Variants in FBXO11 observed in about 807,000 individuals in gnomAD.
FBXO11 encodes the protein F-box protein 11.
A neutral mutation model predicts 117.0 loss-of-function variants in FBXO11; 13 were observed. That is an observed-to-expected ratio of 0.11 (90% CI 0.07 to 0.18). The LOEUF (loss-of-function observed/expected upper bound fraction) is 0.18. Ranked by LOEUF, FBXO11 falls within the 10% of genes least tolerant of loss-of-function variation. The probability of loss-of-function intolerance (pLI) is 1.00; values close to 1 mark genes in which losing one functional copy is unlikely to be tolerated. For missense variants in FBXO11, 767 were observed against 1,164.4 expected (o/e 0.66, Z 4.97); for synonymous variants, 490 against 380.5 (o/e 1.29, Z -3.35).
intron 16 of FBXO11, 36 bp downstream of exon 16, chr2:47,818,743 C>T: frequency 6.8e-7 from 1 of 1,479,564 alleles, no homozygotes; most frequent in Non-Finnish European, 9.2e-7. Flanking sequence ...ACTCCTAACT[C>T]CCTCCCAAAA....
rs6717284 is a variant in FBXO11, at chr2:47,808,860, T to C, written c.2555+298A>G. ...GTAGCATTAGGTTTTTCCATAGTTA[T>C]GGTCTTTGTTTTGTTTTGTAGAGAC... On this transcript the variant is annotated intron_variant, in intron 21 of 22. Coordinates refer to ENST00000403359, the MANE Select transcript of FBXO11 (RefSeq NM_001190274.2). 2.5e-3 allele frequency: 720 copies of C among 284,524 alleles called. 6 individuals carry two copies. The highest frequency in any genetic ancestry group is 0.014 in the African/African-American group (638 of 45,332). 17.6% of individuals were successfully genotyped at this position (284,524 alleles called of 1,614,324 possible). A position where few individuals can be genotyped will look rare whatever the true frequency, so the allele number is the denominator to read the frequency against.
At chr2:47,828,923 T>C (rs554433890) in intron 11 of FBXO11, among the ~76,000 whole-genome samples, 1 of 152,330 alleles carries the variant, frequency 6.6e-6, no homozygotes, top group African/African-American at 2.4e-5. Context: ...TGAATTTTTT[T>C]ATTTTTTTGA....
At chr2:47,815,549 G>A (rs1464968133) in intron 16 of FBXO11, among the ~76,000 whole-genome samples, 1 of 152,150 alleles carries the variant, frequency 6.6e-6, no homozygotes, top group African/African-American at 2.4e-5. Flanking sequence ...CGCATGCCAA[G>A]GTGCCATACT....
chr2:47,881,385 A>G (rs2103905002), intron 1 of FBXO11, among the ~76,000 whole-genome samples: 1 of 152,262 alleles, frequency 6.6e-6, no homozygotes, highest in East Asian at 1.9e-4. Context: ...AATATCTAGG[A>G]AGGTTTATAG....
chr2:47,841,142 G>A (rs548541771), intron 1 of FBXO11, among the ~76,000 whole-genome samples: 103 of 152,082 alleles, frequency 6.8e-4, no homozygotes, highest in African/African-American at 2.4e-3. Flanking sequence ...AGCTTGCAGT[G>A]AGCCGAGATC....
chr2:47,904,432 C>G (rs898277417), intron 1 of FBXO11, among the ~76,000 whole-genome samples: 117 of 152,228 alleles, frequency 7.7e-4, no homozygotes, highest in African/African-American at 2.8e-3. Flanking sequence ...CCAAGTAGAA[C>G]TGAACATTAT....
chr2:47,809,143 A>G lies in FBXO11; in HGVS notation c.2555+15T>C. ...GTCTTCCTCTTTTCAGGACTCAAAT[A>G]TATTTCTAAGTTACCTGTAGAAATC... On this transcript the variant is annotated intron_variant, in intron 21 of 22. Coordinates refer to ENST00000403359, the MANE Select transcript of FBXO11 (RefSeq NM_001190274.2). 2.1e-6 allele frequency: 3 copies of G among 1,450,802 alleles called. No homozygotes were observed. Among genetic ancestry groups the G allele is most frequent in the Non-Finnish European group, 2.9e-6 (3 of 1,050,904 alleles). The allele number at this position is 1,450,802 out of a possible 1,614,324, so 89.9% of individuals were successfully genotyped here.
chr2:47,808,209 G>C lies in FBXO11; in HGVS notation c.2693C>G (p.Pro898Arg), dbSNP rs1670357862. 1 of 1,613,372 alleles carries C rather than the reference G, an allele frequency of 6.2e-7. No homozygotes were observed. Among genetic ancestry groups the C allele is most frequent in the Non-Finnish European group, 8.5e-7 (1 of 1,179,836 alleles). ...CDCGAGTLSNPCTLAGEPTHD... is the reference protein window; with the variant it reads ...CDCGAGTLSNRCTLAGEPTHD... ...TGTAGGCTCACCAGCTAATGTACAA[G>C]GATTAGACAGTGTTCCAGCACCACA... Residue 898 changes from proline to arginine, a missense_variant, in exon 23 of 23, where the codon CCT (proline) becomes CGT (arginine). Physicochemically the swap from Pro to Arg is moderately radical, Grantham distance 103. This residue lies in a region of FBXO11 where 47 missense variants were observed against 117.3 expected (regional missense o/e 0.40). Coordinates refer to ENST00000403359, the MANE Select transcript of FBXO11 (RefSeq NM_001190274.2).
chr2:47,858,376 G>C (rs984824642), intron 1 of FBXO11, among the ~76,000 whole-genome samples: 1 of 150,818 alleles, frequency 6.6e-6, no homozygotes, highest in Non-Finnish European at 1.5e-5. Flanking sequence ...TAAAGCATGA[G>C]TACTTAATGA....
chr2:47,893,273 T>C (rs1280449073), intron 1 of FBXO11, among the ~76,000 whole-genome samples: 3 of 152,192 alleles, frequency 2.0e-5, no homozygotes, highest in Admixed American at 6.5e-5. Flanking sequence ...CATACTCTGC[T>C]GGTCTTGCAA....
At chr2:47,811,128 G>A (rs945369306) in intron 18 of FBXO11, 6 of 152,254 alleles carry the variant, frequency 3.9e-5, no homozygotes, top group African/African-American at 1.4e-4. Flanking sequence ...TCCTCCTCCT[G>A]TTCACTCCCT....
chr2:47,835,682 G>C (rs746492003), intron 5 of FBXO11, among the ~76,000 whole-genome samples, 190 bp downstream of exon 5: 1 of 152,156 alleles, frequency 6.6e-6, no homozygotes, highest in African/African-American at 2.4e-5. Flanking sequence ...ATTTTTAGAA[G>C]AGATGGAGTT....
chr2:47,809,746 A>C (rs1670479836), intron 19 of FBXO11, 39 bp from the exon 20 acceptor site: 1 of 1,353,654 alleles, frequency 7.4e-7, no homozygotes, highest in Non-Finnish European at 1.0e-6. Flanking sequence ...ACATCACTTT[A>C]TACTGCTTCT....
intron 1 of FBXO11, among the ~76,000 whole-genome samples, chr2:47,868,283 A>AC (rs1675351198): frequency 1.6e-5 from 1 of 64,504 alleles, no homozygotes. Flanking sequence ...CTCTACCTCC[A>AC]AAAAAAAAAA....
At chr2:47,822,337 T>A (rs1332878526) in intron 12 of FBXO11, 34 bp from the exon 13 acceptor site, 1 of 1,379,688 alleles carries the variant, frequency 7.2e-7, no homozygotes, top group Non-Finnish European at 1.0e-6. Flanking sequence ...AAAGAAGACA[T>A]CTATTCAGCC....
chr2:47,853,405 G>C (rs1035503615), intron 1 of FBXO11, among the ~76,000 whole-genome samples: 3 of 152,048 alleles, frequency 2.0e-5, no homozygotes, highest in Non-Finnish European at 4.4e-5. Context: ...ACTTTTACAT[G>C]TCATATTTTA....
chr2:47,889,333 C>T (rs1470943625), intron 1 of FBXO11, among the ~76,000 whole-genome samples: 1 of 152,202 alleles, frequency 6.6e-6, no homozygotes, highest in African/African-American at 2.4e-5. Flanking sequence ...TCTATACTTA[C>T]TGATTTTTCC....
At chr2:47,857,911 C>A (rs924271928) in intron 1 of FBXO11, among the ~76,000 whole-genome samples, 13 of 151,970 alleles carry the variant, frequency 8.6e-5, no homozygotes, top group African/African-American at 3.1e-4. Flanking sequence ...TAAAAATCGC[C>A]ATTATTTTGT....
chr2:47,888,184 A>G (rs928763504), intron 1 of FBXO11, among the ~76,000 whole-genome samples: 1 of 152,174 alleles, frequency 6.6e-6, no homozygotes, highest in Non-Finnish European at 1.5e-5. Flanking sequence ...TTGTAACCAT[A>G]AACAGATCAG....
Sources: gnomAD v4.1 joint callset for allele counts (sites outside exome capture counted in the v4.1 genomes callset) on GRCh38, gnomAD v4.1.1 for gene constraint, gnomAD v4.1.1 regional missense constraint, MANE v1.5 for transcripts, NCBI Gene and HGNC (gene_info 2026-07-23, HGNC 2026-07-21) for gene names.